Variants in GPALPP1 observed in about 807,000 individuals in gnomAD.
The protein encoded by GPALPP1 is GPALPP motifs containing 1, also known as GPALPP motifs-containing protein 1.
In GPALPP1, 30 loss-of-function variants were observed where a neutral mutation model predicts 38.9. The ratio of observed to expected loss-of-function variants is 0.77; its 90% confidence interval spans 0.58 to 1.05. The LOEUF (loss-of-function observed/expected upper bound fraction) is 1.05, where lower values mean the gene tolerates loss of function less well. Among genes scored for constraint, GPALPP1 ranks in the 50% least tolerant of loss-of-function variants. GPALPP1 has a pLI of 0.00. For synonymous variants in GPALPP1, 120 were observed against 139.2 expected (o/e 0.86, Z 0.97); for missense variants, 384 against 408.8 (o/e 0.94, Z 0.52).
chr13:45,023,069 A>G (rs1875541461), intron 7 of GPALPP1, among the ~76,000 whole-genome samples: 1 of 152,178 alleles, frequency 6.6e-6, no homozygotes, highest in Non-Finnish European at 1.5e-5. Flanking sequence ...TAATAAATAA[A>G]AAATGCTCTA....
chr13:44,999,009 C>G (rs1873483322), intron 1 of GPALPP1, among the ~76,000 whole-genome samples: 1 of 152,136 alleles, frequency 6.6e-6, no homozygotes, highest in South Asian at 2.1e-4. Context: ...TAGGCAAAAT[C>G]AAGATTATTG....
chr13:45,031,315 T>C (rs748314667), downstream of GPALPP1: 8 of 152,192 alleles, frequency 5.3e-5, no homozygotes, highest in Middle Eastern at 3.2e-3. Context: ...AGTGTCTCCA[T>C]TGCATTAATT....
rs1306202053 is a variant in GPALPP1 at position 45,015,080 on chromosome 13, T to C, written c.537T>C (p.Asp179=). ...TGAAAGAAAAACTGACCAAAGGAGA[T>C]GATGTAAGTTTTAAAAACACTTTAA... ...QRMKEKLTKG[D]DDSSKPIVRE... The change falls in exon 5 of 8, where the codon GAT becomes GAC. Residue 179 remains aspartate, a synonymous_variant. Coordinates refer to ENST00000379151, the MANE Select transcript of GPALPP1 (RefSeq NM_018559.5). 2 of 1,586,248 alleles carry C rather than the reference T, an allele frequency of 1.3e-6. No homozygotes were observed. Among genetic ancestry groups the C allele is most frequent in the Admixed American group, 1.8e-5 (1 of 56,556 alleles).
At chr13:45,024,288 GTGTGTGTGTGTGTGTGTGTGTT>G (rs1372899667) in intron 7 of GPALPP1, among the ~76,000 whole-genome samples, 9 of 148,146 alleles carry the variant, frequency 6.1e-5, no homozygotes, top group South Asian at 4.4e-4. Flanking sequence ...GTGTGTGTGT[GTGTGTGTGTGTGTGTGTGTGTT>G]TTGAGACTGA....
Position 45,023,674 on chromosome 13 carries a change from T to C in GPALPP1, c.804+3246T>C, listed in dbSNP as rs143769524. Among the ~76,000 whole-genome samples, 80 of 152,332 alleles carry C rather than the reference T, an allele frequency of 5.3e-4. No individual in the cohort carries two copies. In the Middle Eastern group the frequency reaches 0.01, roughly 19 times the overall value. On this transcript the variant is annotated intron_variant, in intron 7 of 7. Transcript: ENST00000379151. ...CAGGTCTTTGTTATATATTTAGGCC[T>C]TCCGCTTCCAACTCTTGTTAGCCTG...
chr13:44,998,506 A>G (rs1044108209), intron 1 of GPALPP1, among the ~76,000 whole-genome samples: 2 of 151,854 alleles, frequency 1.3e-5, no homozygotes, highest in African/African-American at 2.4e-5. Flanking sequence ...GCCCCTCTCT[A>G]TCCTCTCTTG....
chr13:45,013,855 G>A (rs1307532533), intron 4 of GPALPP1, among the ~76,000 whole-genome samples: 4 of 152,110 alleles, frequency 2.6e-5, no homozygotes, highest in Non-Finnish European at 5.9e-5. Flanking sequence ...TGTAATTCTG[G>A]ATAAAATGTG....
downstream of GPALPP1, chr13:45,033,503 C>T (rs1876302098): frequency 6.6e-6 from 1 of 152,120 alleles, no homozygotes. Flanking sequence ...CTGTTCACTG[C>T]CCCTTTCAAC....
At chr13:45,004,159 CA>C in intron 1 of GPALPP1, 145 bp from the exon 2 acceptor site, 2 of 644,864 alleles carry the variant, frequency 3.1e-6, no homozygotes, top group South Asian at 2.2e-5. Context: ...CCACTGTACA[CA>C]AACAACAGCA....
At chr13:45,014,828 A>G (rs1416250928) in intron 4 of GPALPP1, 124 bp from the exon 5 acceptor site, 3 of 753,692 alleles carry the variant, frequency 4.0e-6, no homozygotes, top group East Asian at 3.0e-5. Flanking sequence ...TGAGCCAGCA[A>G]TACATTGTTT....
intron 4 of GPALPP1, chr13:45,009,097 C>A: frequency 3.1e-6 from 2 of 635,504 alleles, no homozygotes; most frequent in Non-Finnish European, 2.9e-6. Flanking sequence ...AGGAAAATAA[C>A]AGGATTGACG....
intron 7 of GPALPP1, 38 bp downstream of exon 7, chr13:45,020,466 T>C (rs1875340396): frequency 1.2e-6 from 1 of 846,008 alleles, no homozygotes; most frequent in Admixed American, 1.8e-5. Context: ...CCAGGTGTGA[T>C]GGCTCTTGCC....
intron 1 of GPALPP1, 42 bp downstream of exon 1, chr13:44,989,784 C>T: frequency 6.9e-7 from 1 of 1,452,884 alleles, no homozygotes; most frequent in Non-Finnish European, 9.6e-7. Flanking sequence ...CCCATCTACC[C>T]ACTCCCTGGC....
At chr13:44,993,376 C>T (rs1416018413) in intron 1 of GPALPP1, among the ~76,000 whole-genome samples, 1 of 152,218 alleles carries the variant, frequency 6.6e-6, no homozygotes, top group Non-Finnish European at 1.5e-5. Context: ...TGACTCACAC[C>T]TGTAATCCCA....
At chr13:45,016,379 G>T (rs763686589) in intron 6 of GPALPP1, among the ~76,000 whole-genome samples, 9 of 151,998 alleles carry the variant, frequency 5.9e-5, no homozygotes, top group Non-Finnish European at 1.2e-4. Context: ...ACTCAAACCC[G>T]GGAGGCAGAG....
At chr13:45,007,252 T>C (rs952486281) in intron 3 of GPALPP1, among the ~76,000 whole-genome samples, 1 of 152,150 alleles carries the variant, frequency 6.6e-6, no homozygotes, top group Non-Finnish European at 1.5e-5. Context: ...TAACATTCCT[T>C]TTAAGAAAAC....
At chr13:45,019,223 A>G (rs531253355) in intron 6 of GPALPP1, among the ~76,000 whole-genome samples, 79 of 150,584 alleles carry the variant, frequency 5.2e-4, no homozygotes, top group South Asian at 1.7e-3. Flanking sequence ...TCTCAGTTCA[A>G]TGCAACCTTT....
chr13:45,036,126 A>G (rs772744487), exon 8 of GPALPP1: 1 of 152,218 alleles, frequency 6.6e-6, no homozygotes, highest in African/African-American at 2.4e-5. Context: ...TTTACTTTGC[A>G]TAGCAACAAA....
downstream of GPALPP1, chr13:45,031,600 T>TTA (rs1876199996): frequency 1.3e-5 from 2 of 152,106 alleles, no homozygotes; most frequent in African/African-American, 4.8e-5. Flanking sequence ...CTTCCAGGAG[T>TTA]TACTACCTTA....
Sources: allele counts gnomAD v4.1 joint callset (sites outside exome capture counted in the v4.1 genomes callset), GRCh38; gene constraint gnomAD v4.1.1; transcripts MANE v1.5; gene names NCBI Gene and HGNC (gene_info 2026-07-23, HGNC 2026-07-21).